The following ENTREP2 variants were observed in gnomAD, a reference collection of about 807,000 sequenced individuals.
The protein encoded by ENTREP2 is protein ENTREP2.
At chr15:29,514,415 TCC>T in the ENTREP2 span, among the ~76,000 whole-genome samples, 1 of 152,230 alleles carries the variant, frequency 6.6e-6, no homozygotes, top group African/African-American at 2.4e-5. Flanking sequence ...TGAGCAATCT[TCC>T]ACTGTGTATA....
chr15:29,204,414 G>A, the ENTREP2 span, among the ~76,000 whole-genome samples: 1 of 152,236 alleles, frequency 6.6e-6, no homozygotes, highest in Non-Finnish European at 1.5e-5. Context: ...GGCTGAGCAT[G>A]TAGGCAGAGC....
the ENTREP2 span, among the ~76,000 whole-genome samples, chr15:29,359,318 A>G: frequency 6.6e-6 from 1 of 152,212 alleles, no homozygotes; most frequent in Non-Finnish European, 1.5e-5. Flanking sequence ...ATAACTGTAA[A>G]GATCTGTGTT....
chr15:29,358,291 T>A, the ENTREP2 span, among the ~76,000 whole-genome samples: 1 of 152,076 alleles, frequency 6.6e-6, no homozygotes, highest in Non-Finnish European at 1.5e-5. Context: ...CACGTATGAA[T>A]CAACAAATAT....
At chr15:29,120,496 G>A in the ENTREP2 span, 1 of 152,200 alleles carries the variant, frequency 6.6e-6, no homozygotes, top group African/African-American at 2.4e-5. Context: ...CTCCAGCCAA[G>A]GGAGACCTGA....
At chr15:29,656,022 T>TAA in the ENTREP2 span, among the ~76,000 whole-genome samples, 38 of 100,368 alleles carry the variant, frequency 3.8e-4, 1 homozygote, top group South Asian at 1.0e-3. Flanking sequence ...ACACTCCGTT[T>TAA]AAAAAAAAAA....
chr15:29,355,774 CATGGTGAAGAG>C, the ENTREP2 span, among the ~76,000 whole-genome samples: 1 of 152,106 alleles, frequency 6.6e-6, no homozygotes, highest in Non-Finnish European at 1.5e-5. Context: ...CCCATGTCCC[CATGGTGAAGAG>C]ATGAATGAAA....
At chr15:29,570,657 G>A in the ENTREP2 span, 2 of 1,329,710 alleles carry the variant, frequency 1.5e-6, no homozygotes, top group East Asian at 3.3e-5. Flanking sequence ...GGGCACTCGC[G>A]CAGGCGGGAC....
chr15:29,608,608 G>T, the ENTREP2 span, among the ~76,000 whole-genome samples: 1 of 150,700 alleles, frequency 6.6e-6, no homozygotes, highest in Non-Finnish European at 1.5e-5. Flanking sequence ...AGGCTGGAGT[G>T]CAGTGGCGCC....
At chr15:29,586,385 G>A in the ENTREP2 span, among the ~76,000 whole-genome samples, 39 of 152,314 alleles carry the variant, frequency 2.6e-4, no homozygotes, top group African/African-American at 9.1e-4. Flanking sequence ...TTGGATAGTG[G>A]TGATGGTTGC....
At chr15:29,601,088 G>A in the ENTREP2 span, among the ~76,000 whole-genome samples, 11 of 150,084 alleles carry the variant, frequency 7.3e-5, no homozygotes, top group Admixed American at 4.6e-4. Flanking sequence ...CAGTAGAGAC[G>A]GGGTTTCACC....
the ENTREP2 span, among the ~76,000 whole-genome samples, chr15:29,232,536 A>T: frequency 6.6e-6 from 1 of 151,850 alleles, no homozygotes; most frequent in African/African-American, 2.4e-5. Context: ...TCTGTCACCC[A>T]CACTGGAGTG....
the ENTREP2 span, among the ~76,000 whole-genome samples, chr15:29,223,639 T>C: frequency 6.6e-6 from 1 of 152,174 alleles, no homozygotes; most frequent in Non-Finnish European, 1.5e-5. Flanking sequence ...ACCACACTTC[T>C]TGCAGACACT....
chr15:29,505,078 T>G, the ENTREP2 span, among the ~76,000 whole-genome samples: 1 of 152,176 alleles, frequency 6.6e-6, no homozygotes, highest in Non-Finnish European at 1.5e-5. This position sits in a 1 kb window ranked among gnomAD's most constrained non-coding sequence, Gnocchi z 4.3. Flanking sequence ...ACCATAAACA[T>G]AGAGTGGATA....
the ENTREP2 span, among the ~76,000 whole-genome samples, chr15:29,605,606 G>A: frequency 6.6e-6 from 1 of 152,156 alleles, no homozygotes; most frequent in Non-Finnish European, 1.5e-5. Context: ...GGAGACCAAG[G>A]CAGGCAGATC....
chr15:29,597,450 C>T, the ENTREP2 span, among the ~76,000 whole-genome samples: 1 of 151,916 alleles, frequency 6.6e-6, no homozygotes. Flanking sequence ...CGCCTGTAAT[C>T]CCAGCTACTC....
the ENTREP2 span, among the ~76,000 whole-genome samples, chr15:29,569,102 G>C: frequency 6.6e-6 from 1 of 152,174 alleles, no homozygotes; most frequent in Non-Finnish European, 1.5e-5. Context: ...CTGAGCAATA[G>C]ATGTGTGAAA....
At chr15:29,288,220 C>T in the ENTREP2 span, among the ~76,000 whole-genome samples, 1 of 152,156 alleles carries the variant, frequency 6.6e-6, no homozygotes, top group Non-Finnish European at 1.5e-5. Flanking sequence ...AAAGGCAAGC[C>T]TCTGAAAGCA....
chr15:29,146,943 A>T, the ENTREP2 span, among the ~76,000 whole-genome samples: 1 of 152,122 alleles, frequency 6.6e-6, no homozygotes, highest in African/African-American at 2.4e-5. Flanking sequence ...TTGGGGAAAA[A>T]AAAAAACCAA....
At chr15:29,250,232 A>G in the ENTREP2 span, among the ~76,000 whole-genome samples, 1 of 152,184 alleles carries the variant, frequency 6.6e-6, no homozygotes, top group Non-Finnish European at 1.5e-5. Flanking sequence ...CTCCAAATCC[A>G]GTACTGTTTG....
Sources: allele counts gnomAD v4.1 joint callset (sites outside exome capture counted in the v4.1 genomes callset), GRCh38; gene constraint gnomAD v4.1.1; non-coding constraint Gnocchi (gnomAD v3.1); transcripts MANE v1.5; gene names NCBI Gene and HGNC (gene_info 2026-07-23, HGNC 2026-07-21).